The following AMBRA1 variants were observed in gnomAD, a reference collection of about 807,000 sequenced individuals.
AMBRA1 encodes autophagy and beclin 1 regulator 1.
In AMBRA1, 47 loss-of-function variants were observed where a neutral mutation model predicts 125.4. That is an observed-to-expected ratio of 0.37 (90% CI 0.30 to 0.48). The LOEUF is 0.48. Ranked by LOEUF, AMBRA1 falls within the 20% of genes least tolerant of loss-of-function variation. AMBRA1 has a pLI of 0.99. For missense variants in AMBRA1, 1,331 were observed against 1,693.4 expected (o/e 0.79, Z 3.76); for synonymous variants, 626 against 655.5 (o/e 0.95, Z 0.69).
chr11:46,493,614 G>C lies in AMBRA1; in HGVS notation c.2515C>G (p.Leu839Val). 1 of 1,603,588 alleles carries C rather than the reference G, an allele frequency of 6.2e-7. No individual in the cohort carries two copies. The highest frequency in any genetic ancestry group is 8.5e-7 in the Non-Finnish European group (1 of 1,176,820). Residue 839 changes from leucine (L) to valine (V), a missense_variant, in exon 11 of 18, where the codon CTG becomes GTG. Physicochemically the swap from Leu to Val is conservative, Grantham distance 32. This residue lies in a region of AMBRA1 where 354 missense variants were observed against 532.7 expected (regional missense o/e 0.66). Transcript: ENST00000683756. ...LATHSSVNRV[L>V]AGAVIGDGQS... ...CAAAGAAACATTTCCTTACCTGCCA[G>C]GACCCTGTTAACAGAAGAGTGAGTA...
At chr11:46,475,189 C>T (rs1376008349) in intron 11 of AMBRA1, among the ~76,000 whole-genome samples, 3 of 152,192 alleles carry the variant, frequency 2.0e-5, no homozygotes, top group East Asian at 1.9e-4. Context: ...CAGCCTCCAG[C>T]GCCCAGTGCT....
At chr11:46,474,532 G>A (rs912361936) in intron 11 of AMBRA1, among the ~76,000 whole-genome samples, 1 of 152,176 alleles carries the variant, frequency 6.6e-6, no homozygotes, top group Non-Finnish European at 1.5e-5. Flanking sequence ...GGGACTACAG[G>A]CACGTGACAC....
chr11:46,476,617 A>C (rs1949824037), intron 11 of AMBRA1, among the ~76,000 whole-genome samples: 1 of 152,028 alleles, frequency 6.6e-6, no homozygotes, highest in South Asian at 2.1e-4. Context: ...TAAACAATTT[A>C]CTCCAGCTTT....
chr11:46,463,986 G>A (rs901271084), intron 11 of AMBRA1, among the ~76,000 whole-genome samples: 3 of 152,222 alleles, frequency 2.0e-5, no homozygotes, highest in African/African-American at 7.2e-5. Flanking sequence ...GTCAGAAAAG[G>A]AGAGATAGGG....
chr11:46,398,948 A>AT (rs1308899952), intron 17 of AMBRA1, among the ~76,000 whole-genome samples: 12 of 150,430 alleles, frequency 8.0e-5, no homozygotes, highest in African/African-American at 2.9e-4. Flanking sequence ...TCATTTTTGT[A>AT]TTTTTAGTAG....
At chr11:46,436,503 T>C (rs1947724210) in intron 12 of AMBRA1, among the ~76,000 whole-genome samples, 1 of 152,214 alleles carries the variant, frequency 6.6e-6, no homozygotes, top group South Asian at 2.1e-4. Flanking sequence ...ATCCAAATAC[T>C]CACTGCTATC....
chr11:46,506,090 G>GT (rs1388680403), intron 9 of AMBRA1, among the ~76,000 whole-genome samples: 1 of 152,146 alleles, frequency 6.6e-6, no homozygotes, highest in African/African-American at 2.4e-5. Flanking sequence ...TGGAAAAACC[G>GT]TATCTACAGG....
chr11:46,468,571 G>A (rs1341200565), intron 11 of AMBRA1, among the ~76,000 whole-genome samples: 1 of 151,742 alleles, frequency 6.6e-6, no homozygotes, highest in African/African-American at 2.4e-5. Context: ...GGCTGAGGTG[G>A]GTGCATCACA....
chr11:46,547,176 G>A lies in AMBRA1; in HGVS notation c.315C>T (p.Pro105=), dbSNP rs751890255. 2 of 1,614,170 alleles carry A rather than the reference G, an allele frequency of 1.2e-6. No homozygotes were observed. The change falls in exon 4 of 18, where the codon CCC becomes CCT. Residue 105 remains proline, a synonymous_variant. Coordinates refer to ENST00000683756, the MANE Select transcript of AMBRA1 (RefSeq NM_001387011.1). ...CAGAAGCAATAAGGCCTGAGATGGT[G>A]GGATGAAAAGTGACACACCATGGAG... ...RRTPWCVTFH[P]TISGLIASGC... is the part of the protein sequence containing the mutation.
intron 11 of AMBRA1, among the ~76,000 whole-genome samples, chr11:46,449,185 CT>C (rs896102833): frequency 1.1e-4 from 17 of 152,246 alleles, no homozygotes; most frequent in African/African-American, 4.1e-4. Context: ...GAAGTCCTAG[CT>C]AATGCAATCA....
At chr11:46,447,916 A>G (rs1276133678) in intron 11 of AMBRA1, among the ~76,000 whole-genome samples, 1 of 152,196 alleles carries the variant, frequency 6.6e-6, no homozygotes, top group East Asian at 1.9e-4. Context: ...ATACATAAAT[A>G]AATAGTGATG....
intron 7 of AMBRA1, among the ~76,000 whole-genome samples, chr11:46,514,972 A>C (rs1951413425): frequency 6.6e-6 from 1 of 152,206 alleles, no homozygotes; most frequent in Non-Finnish European, 1.5e-5. Flanking sequence ...ATCATTTAAC[A>C]AACCAGTTCT....
intron 1 of AMBRA1, 81 bp from the exon 2 acceptor site, chr11:46,548,581 G>A: frequency 1.7e-6 from 1 of 589,572 alleles, no homozygotes; most frequent in Non-Finnish European, 2.8e-6. Flanking sequence ...TAGCTCAAAA[G>A]GGAAATTATA....
intron 7 of AMBRA1, among the ~76,000 whole-genome samples, chr11:46,521,644 G>A (rs1951765156): frequency 6.6e-6 from 1 of 152,270 alleles, no homozygotes; most frequent in Non-Finnish European, 1.5e-5. Context: ...CTAATGCAGA[G>A]GCATCCAAGC....
At chr11:46,471,838 G>A (rs1949608151) in intron 11 of AMBRA1, among the ~76,000 whole-genome samples, 1 of 151,886 alleles carries the variant, frequency 6.6e-6, no homozygotes, top group East Asian at 2.0e-4. Context: ...ATGTTGGCCA[G>A]GATGGTCTCG....
intron 14 of AMBRA1, among the ~76,000 whole-genome samples, chr11:46,418,874 G>A (rs941048822): frequency 5.3e-5 from 8 of 152,080 alleles, no homozygotes; most frequent in African/African-American, 9.7e-5. Flanking sequence ...ATACCAGGAC[G>A]GACTGCCCAT....
chr11:46,423,794 G>A (rs1465740991), intron 14 of AMBRA1, among the ~76,000 whole-genome samples: 18 of 110,302 alleles, frequency 1.6e-4, no homozygotes, highest in Admixed American at 1.2e-4. Context: ...ATGGAGTTCC[G>A]CTCTTGCTGC....
At chr11:46,520,771 A>ATT (rs35987296) in intron 7 of AMBRA1, among the ~76,000 whole-genome samples, 32 of 130,746 alleles carry the variant, frequency 2.4e-4, no homozygotes, top group South Asian at 5.0e-4. Flanking sequence ...AATTTTTTGT[A>ATT]TTTTTTTTTT....
chr11:46,407,152 C>T (rs879664181), intron 17 of AMBRA1, among the ~76,000 whole-genome samples: 1 of 151,444 alleles, frequency 6.6e-6, no homozygotes, highest in African/African-American at 2.4e-5. Context: ...TGAAGTGAGC[C>T]GAGATCATGC....
Sources: gnomAD v4.1 joint callset for allele counts (sites outside exome capture counted in the v4.1 genomes callset) on GRCh38, gnomAD v4.1.1 for gene constraint, gnomAD v4.1.1 regional missense constraint, MANE v1.5 for transcripts, NCBI Gene and HGNC (gene_info 2026-07-23, HGNC 2026-07-21) for gene names.